The following SCN11A variants were observed in gnomAD, a reference collection of about 807,000 sequenced individuals.
SCN11A encodes the protein sodium channel protein type 11 subunit alpha.
In SCN11A, 122 loss-of-function variants were observed where a neutral mutation model predicts 162.2. The ratio of observed to expected loss-of-function variants is 0.75; its 90% CI spans 0.65 to 0.87. The LOEUF (loss-of-function observed/expected upper bound fraction) is 0.87. Among genes scored for constraint, SCN11A ranks in the 40% least tolerant of loss-of-function variants. The probability of loss-of-function intolerance (pLI) is 0.00; values close to 1 mark genes in which losing one functional copy is unlikely to be tolerated. For synonymous variants in SCN11A, 758 were observed against 751.5 expected, an observed-to-expected ratio of 1.01 and a Z score of -0.14; for missense variants, 2,015 against 2,181.6, an observed-to-expected ratio of 0.92 and a Z score of 1.52.
At chr3:38,946,445 T>C (rs2066517875) in intron 6 of SCN11A, among the ~76,000 whole-genome samples, 1 of 152,222 alleles carries the variant, frequency 6.6e-6, no homozygotes, top group Admixed American at 6.5e-5. Flanking sequence ...GGTTGCCAGT[T>C]TACAACTCTT....
chr3:39,030,044 C>A (rs1432557339), intron 2 of SCN11A, among the ~76,000 whole-genome samples: 1 of 152,180 alleles, frequency 6.6e-6, no homozygotes, highest in Non-Finnish European at 1.5e-5. Context: ...TTGCTGGTCT[C>A]AAGAGTGGTT....
rs749134287 is a variant in SCN11A, at chr3:38,950,063, A to ACC, written c.267+31_267+32dup. On this transcript the variant is annotated intron_variant, in intron 5 of 29. Transcript: ENST00000302328. ...ACAACTGCATGGTTAGAACACCCCC[A>ACC]CCCCCACCCCCCCCCCCCGCCCAAT... 45 of 63,996 alleles carry ACC rather than the reference A, an allele frequency of 7.0e-4. 5 individuals are homozygous for ACC. The highest frequency in any genetic ancestry group is 8.4e-4 in the East Asian group (2 of 2,388). The allele number at this position is 63,996 out of a possible 1,614,324, so 4.0% of individuals were successfully genotyped here. A position where few individuals can be genotyped will look rare whatever the true frequency, so the allele number is the denominator to read the frequency against.
chr3:38,907,025 C>T (rs918898184), intron 14 of SCN11A, among the ~76,000 whole-genome samples: 1 of 152,026 alleles, frequency 6.6e-6, no homozygotes. Context: ...ATTCTCTCTG[C>T]AGGTAATGCT....
chr3:39,045,542 C>T (rs1393349058), intron 1 of SCN11A, among the ~76,000 whole-genome samples: 1 of 152,092 alleles, frequency 6.6e-6, no homozygotes, highest in African/African-American at 2.4e-5. Context: ...AGGACAAAAA[C>T]CAAACGATCA....
chr3:38,930,722 G>T (rs1438864624), intron 7 of SCN11A, among the ~76,000 whole-genome samples: 1 of 152,108 alleles, frequency 6.6e-6, no homozygotes, highest in African/African-American at 2.4e-5. Flanking sequence ...ATCTGATGTG[G>T]AGTAAAACCA....
At chr3:39,002,348 C>T (rs939548862) in intron 2 of SCN11A, among the ~76,000 whole-genome samples, 2 of 152,160 alleles carry the variant, frequency 1.3e-5, no homozygotes, top group African/African-American at 4.8e-5. Flanking sequence ...CTTACATGAG[C>T]TTTGTGCAAA....
intron 1 of SCN11A, among the ~76,000 whole-genome samples, chr3:39,046,132 G>A (rs2032175558): frequency 6.6e-6 from 1 of 151,978 alleles, no homozygotes; most frequent in Admixed American, 6.5e-5. Context: ...TGGTGGCACG[G>A]GCCTGTAATC....
At chr3:39,004,401 C>T (rs1053090535) in intron 2 of SCN11A, among the ~76,000 whole-genome samples, 3 of 152,138 alleles carry the variant, frequency 2.0e-5, no homozygotes, top group African/African-American at 7.2e-5. Flanking sequence ...TGTACTGGTA[C>T]CATGCTATTT....
At position 39,009,561 on chromosome 3, in the gene SCN11A, GCAAA is replaced by G. The variant is rs529076739; in HGVS notation, c.-280+22815_-280+22818del. 6.0e-5 allele frequency among the ~76,000 whole-genome samples: 9 copies of G among 150,072 alleles called. No individual in the cohort carries two copies. In the East Asian group the frequency reaches 1.2e-3, roughly 20 times the overall value. The stretch of plus-strand genomic sequence containing the variant: ...TTGAATTTTTGTTAGGTAGACCAAA[GCAAA>G]CAAACAATTATAAATTCCAGAGAAA... On this transcript the variant is annotated intron_variant, in intron 2 of 29. Transcript: ENST00000302328.
At chr3:39,041,237 T>C (rs1345149821) in intron 1 of SCN11A, among the ~76,000 whole-genome samples, 1 of 152,170 alleles carries the variant, frequency 6.6e-6, no homozygotes, top group Non-Finnish European at 1.5e-5. Flanking sequence ...ATTCACATTC[T>C]GAATGTTTAA....
At chr3:38,937,086 A>G (rs2066346297) in intron 7 of SCN11A, among the ~76,000 whole-genome samples, 1 of 152,256 alleles carries the variant, frequency 6.6e-6, no homozygotes, top group Non-Finnish European at 1.5e-5. Context: ...CAACTATCTG[A>G]TCTTTGACAA....
chr3:38,970,305 A>AT (rs2066809230), intron 2 of SCN11A, among the ~76,000 whole-genome samples: 1 of 151,942 alleles, frequency 6.6e-6, no homozygotes, highest in Non-Finnish European at 1.5e-5. Context: ...ACCCCCTGTA[A>AT]TTTTTTGCAT....
At chr3:38,956,335 GA>G (rs1466113102) in intron 3 of SCN11A, among the ~76,000 whole-genome samples, 1 of 151,954 alleles carries the variant, frequency 6.6e-6, no homozygotes, top group African/African-American at 2.4e-5. Context: ...AAACTATAAA[GA>G]AAATTTTATG....
In SCN11A at chr3:38,926,851, A is replaced by T; in HGVS notation, c.569T>A (p.Phe190Tyr). The T allele has an allele frequency of 1.2e-6, 2 of 1,613,588 alleles. No homozygotes were observed. Among genetic ancestry groups the T allele is most frequent in the Non-Finnish European group, 1.7e-6 (2 of 1,179,486 alleles). Residue 190 changes from phenylalanine (F) to tyrosine (Y), a missense_variant, in exon 8 of 30, where the codon TTC becomes TAC. Coordinates refer to ENST00000302328, the MANE Select transcript of SCN11A (RefSeq NM_001349253.2). The part of the protein sequence containing the change: ...ARGFILDEFS[F>Y]LRDPWNWLDS... ...CAGCCAGTTCCATGGATCTCGAAGG[A>T]AAGAAAACTCATCCAGAATGAAACC...
intron 23 of SCN11A, among the ~76,000 whole-genome samples, chr3:38,878,027 T>C (rs1270765124): frequency 6.6e-6 from 1 of 151,322 alleles, no homozygotes; most frequent in Admixed American, 6.6e-5. Context: ...TCAGGGGAAA[T>C]GAGGGTGTGA....
chr3:39,014,454 A>C (rs1291444268), intron 2 of SCN11A, among the ~76,000 whole-genome samples: 1 of 152,206 alleles, frequency 6.6e-6, no homozygotes, highest in Non-Finnish European at 1.5e-5. Flanking sequence ...TCTTGCCAGG[A>C]GAGAAAATGA....
intron 10 of SCN11A, 61 bp from the exon 11 acceptor site, chr3:38,920,062 A>G (rs2066021441): frequency 1.6e-6 from 2 of 1,257,810 alleles, no homozygotes; most frequent in Non-Finnish European, 2.3e-6. Context: ...GAAAGAGAAT[A>G]GTAAGTATGC....
chr3:39,005,486 C>T (rs1313714839), intron 2 of SCN11A, among the ~76,000 whole-genome samples: 1 of 152,198 alleles, frequency 6.6e-6, no homozygotes. Flanking sequence ...TAATGAGCCC[C>T]ATTCTAGTCT....
At chr3:38,866,669 A>G (rs1391239399) in intron 27 of SCN11A, among the ~76,000 whole-genome samples, 3 of 152,266 alleles carry the variant, frequency 2.0e-5, no homozygotes, top group Non-Finnish European at 4.4e-5. Context: ...CAAAATCATA[A>G]GAGGCATGGT....
Sources: gnomAD v4.1 joint callset for allele counts (sites outside exome capture counted in the v4.1 genomes callset) on GRCh38, gnomAD v4.1.1 for gene constraint, MANE v1.5 for transcripts, NCBI Gene and HGNC (gene_info 2026-07-23, HGNC 2026-07-21) for gene names.